UGT2B7: variants seen among roughly 807,000 people sequenced by gnomAD.
UGT2B7 encodes the protein UDP-glucuronosyltransferase 2B7.
UGT2B7 carries 51 observed loss-of-function variants against 51.9 expected under a neutral mutation model. The observed-to-expected ratio is 0.98, with a 90% CI of 0.78 to 1.24. UGT2B7 has a LOEUF of 1.24. UGT2B7 is among the 50% of genes most tolerant of loss of function. The probability of loss-of-function intolerance (pLI) is 0.00; values close to 1 mark genes in which losing one functional copy is unlikely to be tolerated. For missense variants in UGT2B7, 727 were observed against 628.4 expected (o/e 1.16, Z -1.68); for synonymous variants, 225 against 211.6 (o/e 1.06, Z -0.55).
chr4:69,107,325 C>A (rs1719632167), intron 4 of UGT2B7, 63 bp downstream of exon 4: 1 of 1,477,382 alleles, frequency 6.8e-7, no homozygotes, highest in Non-Finnish European at 9.2e-7. Context: ...GTTAATAGTT[C>A]ATCATGAAAC....
intron 1 of UGT2B7, among the ~76,000 whole-genome samples, chr4:69,075,468 C>T (rs1718683237): frequency 6.6e-6 from 1 of 152,000 alleles, no homozygotes. Context: ...CACACAAAGT[C>T]CTGACGATAA....
At chr4:69,064,632 A>T (rs972111822) in intron 1 of UGT2B7, among the ~76,000 whole-genome samples, 28 of 152,164 alleles carry the variant, frequency 1.8e-4, no homozygotes, top group African/African-American at 5.8e-4. Flanking sequence ...CTGTAAGCCT[A>T]CATCAAGTTA....
intron 2 of UGT2B7, among the ~76,000 whole-genome samples, chr4:69,090,608 A>T (rs1719064722): frequency 6.6e-6 from 1 of 152,092 alleles, no homozygotes; most frequent in African/African-American, 2.4e-5. Context: ...CATGGAAAAG[A>T]CTCATCCCCA....
chr4:69,096,540 C>T lies in UGT2B7; in HGVS notation c.20C>T (p.Ser7Leu). The T allele has an allele frequency of 6.2e-7, 1 of 1,613,910 alleles. No homozygotes were observed. Among genetic ancestry groups the T allele is most frequent in the Non-Finnish European group, 8.5e-7 (1 of 1,179,856 alleles). ...ACCAGGATGTCTGTGAAATGGACTT[C>T]AGTAATTTTGCTAATACAACTGAGC... is the stretch of plus-strand genomic sequence containing the variant. The part of the protein sequence containing the change: MSVKWT[S>L]VILLIQLSFC... The change falls in exon 1 of 6, where the codon TCA (serine) becomes TTA (leucine). Residue 7 changes from serine to leucine, a missense_variant. Transcript: ENST00000305231.
At chr4:69,077,664 GC>G (rs1718745669) in intron 1 of UGT2B7, among the ~76,000 whole-genome samples, 1 of 152,008 alleles carries the variant, frequency 6.6e-6, no homozygotes, top group Admixed American at 6.6e-5. Flanking sequence ...TTGCTTATCA[GC>G]TTAAGGAGAT....
chr4:69,095,826 A>G (rs1231158044), upstream of UGT2B7, among the ~76,000 whole-genome samples: 2 of 152,202 alleles, frequency 1.3e-5, no homozygotes, highest in African/African-American at 4.8e-5. Context: ...TATGTTACAT[A>G]AAAGAAGCCA....
intron 2 of UGT2B7, among the ~76,000 whole-genome samples, chr4:69,100,157 G>A (rs934129971): frequency 6.6e-6 from 1 of 151,940 alleles, no homozygotes; most frequent in Non-Finnish European, 1.5e-5. Context: ...CGTATGACAA[G>A]CAACTTATTA....
intron 1 of UGT2B7, among the ~76,000 whole-genome samples, chr4:69,061,717 C>T (rs945727562): frequency 6.6e-6 from 1 of 152,154 alleles, no homozygotes; most frequent in Non-Finnish European, 1.5e-5. Context: ...TGGCTCACCG[C>T]TATTACTTGA....
chr4:69,074,977 T>G (rs1322137782), intron 1 of UGT2B7, among the ~76,000 whole-genome samples: 1 of 152,192 alleles, frequency 6.6e-6, no homozygotes, highest in Non-Finnish European at 1.5e-5. Flanking sequence ...TTTAATTTAT[T>G]TGAGGCTAGT....
upstream of UGT2B7, among the ~76,000 whole-genome samples, chr4:69,093,575 G>A (rs76375995): frequency 1.3e-5 from 2 of 152,162 alleles, no homozygotes; most frequent in Non-Finnish European, 2.9e-5. Flanking sequence ...GAAAGCCAGA[G>A]TATCTAAAGG....
intron 1 of UGT2B7, among the ~76,000 whole-genome samples, chr4:69,056,611 T>C (rs1201979992): frequency 6.6e-6 from 1 of 152,120 alleles, no homozygotes; most frequent in African/African-American, 2.4e-5. Context: ...TTCCCAGCAA[T>C]AGGAAGATTT....
Position 69,102,922 on chromosome 4 carries a change from C to A in UGT2B7, c.986C>A (p.Ala329Asp). ...GCCAACGTAATTGCATCAGCCCTGG[C>A]CCAGATCCCACAAAAGGTAAGATGA... is the stretch of plus-strand genomic sequence containing the variant. The part of the protein sequence containing the change: ...ERANVIASAL[A>D]QIPQKVLWRF... The change falls in exon 3 of 6, where the codon GCC (alanine) becomes GAC (aspartate). Residue 329 changes from alanine (A) to aspartate (D), a missense_variant. By Grantham distance (126) the Ala-to-Asp change is moderately radical. Transcript: ENST00000305231. 6.2e-7 allele frequency: 1 copy of A among 1,612,814 alleles called. No individual in the cohort carries two copies. The highest frequency in any genetic ancestry group is 8.5e-7 in the Non-Finnish European group (1 of 1,179,418).
intron 3 of UGT2B7, among the ~76,000 whole-genome samples, chr4:69,104,020 A>G (rs1206454914): frequency 6.6e-6 from 1 of 152,124 alleles, no homozygotes; most frequent in Non-Finnish European, 1.5e-5. Context: ...CAGGCACGGT[A>G]GCTCACGCCT....
At chr4:69,090,725 T>C (rs1329841692) in intron 2 of UGT2B7, among the ~76,000 whole-genome samples, 2 of 152,128 alleles carry the variant, frequency 1.3e-5, no homozygotes, top group Non-Finnish European at 1.5e-5. Context: ...TATCAGGCCA[T>C]TATGATCGCC....
At chr4:69,079,206 G>C (rs991311309) in intron 1 of UGT2B7, among the ~76,000 whole-genome samples, 2 of 152,164 alleles carry the variant, frequency 1.3e-5, no homozygotes, top group African/African-American at 4.8e-5. Context: ...TGTTTCCTGG[G>C]ACAACAGGAA....
At chr4:69,088,483 G>A (rs1006256537) in intron 1 of UGT2B7, among the ~76,000 whole-genome samples, 8 of 151,930 alleles carry the variant, frequency 5.3e-5, no homozygotes, top group African/African-American at 1.9e-4. Flanking sequence ...TAGACTTGCA[G>A]TGATTTCTAG....
chr4:69,100,871 G>A (rs1719395719), intron 2 of UGT2B7, among the ~76,000 whole-genome samples: 1 of 151,994 alleles, frequency 6.6e-6, no homozygotes, highest in Non-Finnish European at 1.5e-5. Context: ...TTTCTTATAA[G>A]AGAAAAAGAC....
intron 5 of UGT2B7, among the ~76,000 whole-genome samples, chr4:69,110,810 T>C (rs1211458437): frequency 6.6e-6 from 1 of 152,160 alleles, no homozygotes; most frequent in Admixed American, 6.5e-5. Flanking sequence ...TAAATCGATA[T>C]CTTCACCTCA....
chr4:69,092,950 AC>A (rs1719116008), upstream of UGT2B7, among the ~76,000 whole-genome samples: 1 of 119,596 alleles, frequency 8.4e-6, no homozygotes, highest in African/African-American at 3.5e-5. Context: ...CAAAAACAAT[AC>A]CCCCACCCCA....
Sources: allele counts gnomAD v4.1 joint callset (sites outside exome capture counted in the v4.1 genomes callset), GRCh38; gene constraint gnomAD v4.1.1; transcripts MANE v1.5; gene names NCBI Gene and HGNC (gene_info 2026-07-23, HGNC 2026-07-21).